The following CCSER1 variants were observed in gnomAD, a reference collection of about 807,000 sequenced individuals.
The protein encoded by CCSER1 is coiled-coil serine rich protein 1, also known as serine-rich coiled-coil domain-containing protein 1.
CCSER1 carries 41 observed loss-of-function variants against 82.0 expected under a neutral mutation model. The ratio of observed to expected loss-of-function variants is 0.50; its 90% CI spans 0.39 to 0.65. CCSER1 has a LOEUF of 0.65. Among genes scored for constraint, CCSER1 ranks in the 30% least tolerant of loss-of-function variants. The pLI is 0.00. For synonymous variants in CCSER1, 414 were observed against 383.9 expected, an observed-to-expected ratio of 1.08 and a Z score of -0.92; for missense variants, 1,119 against 1,064.2, an observed-to-expected ratio of 1.05 and a Z score of -0.72.
intron 8 of CCSER1, among the ~76,000 whole-genome samples, chr4:90,875,608 C>T (rs1035864070): frequency 6.6e-6 from 1 of 152,116 alleles, no homozygotes; most frequent in African/African-American, 2.4e-5. Context: ...TCTTGCATGT[C>T]ACTATAGTGC....
At chr4:90,786,365 A>G (rs941950475) in intron 7 of CCSER1, among the ~76,000 whole-genome samples, 6 of 152,134 alleles carry the variant, frequency 3.9e-5, no homozygotes, top group Admixed American at 3.3e-4. Context: ...GGAACACAGT[A>G]ATACTCAGAA....
At chr4:90,784,232 G>C in intron 7 of CCSER1, among the ~76,000 whole-genome samples, 1 of 152,252 alleles carries the variant, frequency 6.6e-6, no homozygotes, top group Non-Finnish European at 1.5e-5. Context: ...TCATATGCAC[G>C]TGACTAGCTG....
chr4:90,587,374 G>A (rs1263332043), intron 5 of CCSER1, among the ~76,000 whole-genome samples: 1 of 152,130 alleles, frequency 6.6e-6, no homozygotes, highest in Non-Finnish European at 1.5e-5. Context: ...CACTTTGGGA[G>A]GCCGAGGTGG....
At chr4:91,216,382 C>T (rs185891715) in intron 10 of CCSER1, among the ~76,000 whole-genome samples, 278 of 152,304 alleles carry the variant, frequency 1.8e-3, no homozygotes, top group Admixed American at 3.0e-3. Context: ...TGCAGTGGCA[C>T]GATCTCGGCT....
intron 7 of CCSER1, among the ~76,000 whole-genome samples, chr4:90,807,377 G>A (rs141472366): frequency 2.9e-3 from 441 of 152,236 alleles, no homozygotes; most frequent in Admixed American, 7.5e-3. Flanking sequence ...TTGGACTACT[G>A]TAAAAGAGGT....
Position 91,370,714 on chromosome 4 carries a change from T to C in CCSER1, c.2218-227858T>C, listed in dbSNP as rs546486448. 1.1e-4 allele frequency among the ~76,000 whole-genome samples: 16 copies of C among 152,080 alleles called. 1 individual carries two copies. In the South Asian group the frequency reaches 3.3e-3, roughly 32 times the overall value. On this transcript the variant is annotated intron_variant, in intron 10 of 10. Transcript: ENST00000509176. ...CTGTCTCAAAAAAAAAAAAATTGTT[T>C]TATTTTGAATTTGTATGGGTACATA...
At chr4:90,664,878 C>T (rs1731444866) in intron 6 of CCSER1, among the ~76,000 whole-genome samples, 1 of 152,050 alleles carries the variant, frequency 6.6e-6, no homozygotes, top group Non-Finnish European at 1.5e-5. Flanking sequence ...CCAGCCTGGG[C>T]AATAAGAATG....
At chr4:90,339,902 T>C (rs554535653) in intron 3 of CCSER1, among the ~76,000 whole-genome samples, 2 of 150,074 alleles carry the variant, frequency 1.3e-5, no homozygotes, top group African/African-American at 4.9e-5. Flanking sequence ...ATGTACTATT[T>C]TATATATATA....
chr4:90,492,205 G>T (rs1211523073), intron 5 of CCSER1, among the ~76,000 whole-genome samples: 3 of 152,064 alleles, frequency 2.0e-5, no homozygotes, highest in Non-Finnish European at 2.9e-5. Context: ...GCCTGTTATT[G>T]GTCTGTTCAG....
chr4:90,572,979 A>G (rs1271315587), intron 5 of CCSER1, among the ~76,000 whole-genome samples: 1 of 152,200 alleles, frequency 6.6e-6, no homozygotes, highest in Non-Finnish European at 1.5e-5. Flanking sequence ...TGTCTGGGAA[A>G]GCCCTGAGGT....
At chr4:91,267,860 A>T (rs1560554798) in intron 10 of CCSER1, among the ~76,000 whole-genome samples, 2 of 152,222 alleles carry the variant, frequency 1.3e-5, no homozygotes. Context: ...GATATAAAGC[A>T]TGCAGAGGAA....
intron 10 of CCSER1, among the ~76,000 whole-genome samples, chr4:91,224,755 A>G (rs1026631563): frequency 3.9e-5 from 6 of 152,030 alleles, no homozygotes; most frequent in African/African-American, 1.4e-4. Flanking sequence ...TTGGGCATTA[A>G]ACATGAGAAT....
chr4:91,220,810 T>C (rs187324012), intron 10 of CCSER1, among the ~76,000 whole-genome samples: 2 of 152,250 alleles, frequency 1.3e-5, no homozygotes, highest in East Asian at 1.9e-4. Flanking sequence ...CTATATGAGA[T>C]GATACATATG....
At chr4:90,544,190 A>G (rs1297072594) in intron 5 of CCSER1, among the ~76,000 whole-genome samples, 2 of 152,070 alleles carry the variant, frequency 1.3e-5, no homozygotes, top group African/African-American at 2.4e-5. Flanking sequence ...TGTCGTGGAG[A>G]AAAACGTTAT....
chr4:90,317,768 G>T (rs1367919598), intron 3 of CCSER1, among the ~76,000 whole-genome samples: 1 of 152,286 alleles, frequency 6.6e-6, no homozygotes, highest in South Asian at 2.1e-4. Context: ...CTGTATTCAG[G>T]CTGTGGAAGC....
intron 10 of CCSER1, among the ~76,000 whole-genome samples, chr4:91,516,553 T>C (rs1375759629): frequency 6.6e-6 from 1 of 152,188 alleles, no homozygotes; most frequent in Non-Finnish European, 1.5e-5. Flanking sequence ...TTGATTCTGT[T>C]CCATTGGTCT....
chr4:90,872,087 C>T (rs545233798), intron 8 of CCSER1, among the ~76,000 whole-genome samples: 1 of 151,558 alleles, frequency 6.6e-6, no homozygotes, highest in East Asian at 1.9e-4. Context: ...CTGTAGAGAG[C>T]AGATAGTTGG....
At chr4:91,352,232 G>A (rs1442955970) in intron 10 of CCSER1, among the ~76,000 whole-genome samples, 1 of 152,070 alleles carries the variant, frequency 6.6e-6, no homozygotes, top group Non-Finnish European at 1.5e-5. Flanking sequence ...AATAGGCTTA[G>A]GAAAATTTAT....
At chr4:90,391,601 A>G (rs762298136) in intron 3 of CCSER1, among the ~76,000 whole-genome samples, 2 of 149,364 alleles carry the variant, frequency 1.3e-5, no homozygotes, top group Non-Finnish European at 3.0e-5. Flanking sequence ...TTTTAACTAG[A>G]GTGAGATCGT....
Sources: gnomAD v4.1 joint callset for allele counts (sites outside exome capture counted in the v4.1 genomes callset) on GRCh38, gnomAD v4.1.1 for gene constraint, MANE v1.5 for transcripts, NCBI Gene and HGNC (gene_info 2026-07-23, HGNC 2026-07-21) for gene names.